TPO: variants seen among roughly 807,000 people sequenced by gnomAD.
The protein encoded by TPO is thyroid peroxidase.
Under a neutral mutation model 96.9 loss-of-function variants are expected in TPO, and 78 were observed. The ratio of observed to expected loss-of-function variants is 0.81; its 90% CI spans 0.67 to 0.97. The LOEUF (loss-of-function observed/expected upper bound fraction) is 0.97. Among genes scored for constraint, TPO ranks in the 50% least tolerant of loss-of-function variants. The pLI is 0.00. For missense variants in TPO, 1,252 were observed against 1,274.8 expected (o/e 0.98, Z 0.27); for synonymous variants, 547 against 538.0 (o/e 1.02, Z -0.23).
chr2:1,505,435 CA>C (rs1673323527), intron 14 of TPO, among the ~76,000 whole-genome samples: 1 of 140,496 alleles, frequency 7.1e-6, no homozygotes, highest in South Asian at 2.4e-4. Context: ...CACACCCTCC[CA>C]CCCCCATGTC....
chr2:1,466,174 C>T (rs7355479), intron 7 of TPO, among the ~76,000 whole-genome samples: 99,454 of 152,068 alleles, frequency 0.65, 33,182 homozygotes, highest in African/African-American at 0.79. Flanking sequence ...TTTGATTCTG[C>T]TTACATGGTG....
intron 7 of TPO, among the ~76,000 whole-genome samples, chr2:1,476,778 GA>G (rs1284432450): frequency 6.6e-6 from 1 of 152,068 alleles, no homozygotes; most frequent in African/African-American, 2.4e-5. Flanking sequence ...TGAGCAGGCT[GA>G]GGGGAGGTGC....
At chr2:1,394,243 G>A (rs1662046328) in intron 1 of TPO, among the ~76,000 whole-genome samples, 1 of 152,188 alleles carries the variant, frequency 6.6e-6, no homozygotes, top group Non-Finnish European at 1.5e-5. Flanking sequence ...CACAAATATT[G>A]ACATCTTATA....
intron 5 of TPO, among the ~76,000 whole-genome samples, chr2:1,444,245 CT>C (rs1417778743): frequency 4.0e-4 from 49 of 122,928 alleles, no homozygotes; most frequent in African/African-American, 1.3e-3. Context: ...GGGCAGGCGC[CT>C]TCTTGTTTGT....
At chr2:1,438,042 C>T (rs1665764294) in intron 5 of TPO, among the ~76,000 whole-genome samples, 1 of 151,836 alleles carries the variant, frequency 6.6e-6, no homozygotes, top group Non-Finnish European at 1.5e-5. Flanking sequence ...GCTGGAGGGC[C>T]TGGGTGGAGG....
At chr2:1,446,961 A>G (rs1231097498) in intron 5 of TPO, among the ~76,000 whole-genome samples, 1 of 152,182 alleles carries the variant, frequency 6.6e-6, no homozygotes, top group Non-Finnish European at 1.5e-5. Flanking sequence ...GTTTTCTGCA[A>G]CATACGAGGT....
chr2:1,486,761 C>T (rs1331443961), intron 9 of TPO, among the ~76,000 whole-genome samples: 2 of 152,114 alleles, frequency 1.3e-5, no homozygotes, highest in Non-Finnish European at 2.9e-5. Flanking sequence ...CTGGGAGCTT[C>T]TAACCTGTCT....
chr2:1,477,728 TG>T, intron 8 of TPO, 124 bp downstream of exon 8: 1 of 1,374,394 alleles, frequency 7.3e-7, no homozygotes, highest in Non-Finnish European at 9.4e-7. Context: ...GGCGCCCACA[TG>T]GGTGAGCTCC....
intron 15 of TPO, 78 bp from the exon 16 acceptor site, chr2:1,540,516 C>T (rs148737786): frequency 0.012 from 18,971 of 1,601,570 alleles, 141 homozygotes; most frequent in Non-Finnish European, 0.015. Flanking sequence ...GCCTTGCCGT[C>T]GCTCGTGCCG....
chr2:1,392,070 G>A (rs1234662257), intron 1 of TPO, among the ~76,000 whole-genome samples: 1 of 152,186 alleles, frequency 6.6e-6, no homozygotes. Context: ...GGAGTGGTGA[G>A]AGAGGGCATC....
chr2:1,479,619 G>A (rs1469518516), intron 8 of TPO, among the ~76,000 whole-genome samples: 7 of 152,132 alleles, frequency 4.6e-5, no homozygotes, highest in African/African-American at 7.2e-5. Context: ...ATTTAGAGGC[G>A]TGAATTATTA....
At chr2:1,414,284 C>T in intron 1 of TPO, 124 bp from the exon 2 acceptor site, 1 of 920,732 alleles carries the variant, frequency 1.1e-6, no homozygotes, top group East Asian at 2.7e-5. Flanking sequence ...GAGGGTCGCT[C>T]ACTGCGGTAG....
chr2:1,530,175 CCACT>C (rs1677752815), intron 15 of TPO, among the ~76,000 whole-genome samples: 2 of 115,400 alleles, frequency 1.7e-5, no homozygotes, highest in Admixed American at 9.0e-5. Context: ...TCAAATCCCC[CCACT>C]GTGTCCAACC....
chr2:1,542,213 G>T, intron 16 of TPO: 1 of 670,868 alleles, frequency 1.5e-6, no homozygotes, highest in Non-Finnish European at 2.5e-6. Flanking sequence ...TTGCCACGTG[G>T]ATCCTCTGTG....
intron 5 of TPO, among the ~76,000 whole-genome samples, chr2:1,440,091 C>T (rs993679294): frequency 1.3e-5 from 2 of 152,148 alleles, no homozygotes; most frequent in African/African-American, 4.8e-5. Context: ...TTCCAATGTG[C>T]TGCGTTTCCA....
upstream of TPO, among the ~76,000 whole-genome samples, chr2:1,411,621 C>T (rs566415155): frequency 1.4e-4 from 21 of 152,308 alleles, no homozygotes; most frequent in African/African-American, 2.9e-4. Context: ...CCATCAGCTC[C>T]GGAGGTCATA....
intron 15 of TPO, among the ~76,000 whole-genome samples, chr2:1,536,641 T>A (rs72490800): frequency 3.2e-4 from 5 of 15,608 alleles, no homozygotes; most frequent in Non-Finnish European, 1.0e-4. Context: ...CCTCCCCAAA[T>A]CCCCCCCCCC....
At chr2:1,442,350 A>T in intron 5 of TPO, among the ~76,000 whole-genome samples, 1 of 152,154 alleles carries the variant, frequency 6.6e-6, no homozygotes. Flanking sequence ...GTGTGCCACA[A>T]CAGCCAGAAA....
chr2:1,535,525 TCCC>T (rs67657023), intron 15 of TPO, among the ~76,000 whole-genome samples: 1 of 53,120 alleles, frequency 1.9e-5, no homozygotes, highest in Admixed American at 3.2e-4. Flanking sequence ...CCTCCCCAAA[TCCC>T]CGTGTGCCAC....
Sources: allele counts gnomAD v4.1 joint callset (sites outside exome capture counted in the v4.1 genomes callset), GRCh38; gene constraint gnomAD v4.1.1; transcripts MANE v1.5; gene names NCBI Gene and HGNC (gene_info 2026-07-23, HGNC 2026-07-21).